ARMH1: variants seen among roughly 807,000 people sequenced by gnomAD.
ARMH1 encodes armadillo like helical domain containing 1, also known as armadillo-like helical domain containing protein 1.
Under a neutral mutation model 50.2 loss-of-function variants are expected in ARMH1, and 34 were observed. The observed-to-expected ratio is 0.68, with a 90% CI of 0.51 to 0.90. The LOEUF (loss-of-function observed/expected upper bound fraction) is 0.90, where lower values mean the gene tolerates loss of function less well. ARMH1 is among the 40% of genes least tolerant of loss of function. ARMH1 has a pLI of 0.00. For synonymous variants in ARMH1, 221 were observed against 224.2 expected, an observed-to-expected ratio of 0.99 and a Z score of 0.13; for missense variants, 538 against 553.9, an observed-to-expected ratio of 0.97 and a Z score of 0.29.
intron 2 of ARMH1, among the ~76,000 whole-genome samples, chr1:44,691,046 G>C (rs999107206): frequency 1.3e-5 from 2 of 150,320 alleles, no homozygotes; most frequent in Non-Finnish European, 2.9e-5. Context: ...GATCACCTGA[G>C]GTCAGGAGTT....
intron 1 of ARMH1, among the ~76,000 whole-genome samples, chr1:44,676,433 T>G (rs1645144118): frequency 6.6e-6 from 1 of 152,068 alleles, no homozygotes; most frequent in African/African-American, 2.4e-5. Context: ...AGGGAGTAAG[T>G]GTAGAGTCAG....
chr1:44,720,601 A>G (rs1377731370), intron 6 of ARMH1, among the ~76,000 whole-genome samples: 1 of 152,222 alleles, frequency 6.6e-6, no homozygotes, highest in Non-Finnish European at 1.5e-5. Flanking sequence ...CAAGAATTCT[A>G]TACGGTGCTA....
intron 2 of ARMH1, among the ~76,000 whole-genome samples, chr1:44,694,635 G>A (rs896288564): frequency 1.3e-5 from 2 of 150,786 alleles, no homozygotes; most frequent in African/African-American, 2.4e-5. Flanking sequence ...TCAGCCTCCC[G>A]AGTAGCTGGG....
intron 1 of ARMH1, among the ~76,000 whole-genome samples, chr1:44,684,924 T>C (rs946217921): frequency 6.6e-6 from 1 of 152,048 alleles, no homozygotes; most frequent in Non-Finnish European, 1.5e-5. Context: ...ACTCCCAACA[T>C]GCCATGGCGA....
At chr1:44,721,214 A>G (rs1647101079) in intron 6 of ARMH1, among the ~76,000 whole-genome samples, 2 of 152,140 alleles carry the variant, frequency 1.3e-5, no homozygotes, top group South Asian at 2.1e-4. Flanking sequence ...TATGGATTAT[A>G]TAACTACCAG....
intron 6 of ARMH1, among the ~76,000 whole-genome samples, chr1:44,713,889 T>C (rs139499031): frequency 9.8e-5 from 15 of 152,316 alleles, no homozygotes; most frequent in Non-Finnish European, 2.2e-4. Flanking sequence ...AGCACATACA[T>C]TAGTTACTTT....
intron 2 of ARMH1, among the ~76,000 whole-genome samples, chr1:44,695,156 A>C (rs894001638): frequency 1.3e-5 from 2 of 152,238 alleles, no homozygotes; most frequent in African/African-American, 4.8e-5. Flanking sequence ...AATCCTAGTC[A>C]GACTGCCTAG....
chr1:44,678,590 C>T (rs1241786657), intron 1 of ARMH1, among the ~76,000 whole-genome samples: 1 of 152,020 alleles, frequency 6.6e-6, no homozygotes, highest in Non-Finnish European at 1.5e-5. Flanking sequence ...TTTCTCTCTC[C>T]CTATCTCTGA....
rs529793074 is a variant in ARMH1, at chr1:44,724,303, G to T, written c.848-17G>T. 8 of 1,550,916 alleles carry T rather than the reference G, an allele frequency of 5.2e-6. No individual in the cohort carries two copies. Among genetic ancestry groups the T allele is most frequent in the Non-Finnish European group, 7.0e-6 (8 of 1,146,552 alleles). ...ACGGGAGGGCGGTCTCTTGCCTCAC[G>T]GCTGCCCCCTCCTCAGACCCCTCGG... On this transcript the variant is annotated splice_polypyrimidine_tract_variant and intron_variant, in intron 7 of 11. Coordinates refer to ENST00000535358, the MANE Select transcript of ARMH1 (RefSeq NM_001145636.2). The surrounding 1 kb of genome is among the most constrained non-coding windows in gnomAD (Gnocchi z 6.4).
chr1:44,705,348 C>T (rs770307220), intron 6 of ARMH1, among the ~76,000 whole-genome samples: 9 of 151,952 alleles, frequency 5.9e-5, no homozygotes, highest in Non-Finnish European at 1.3e-4. Flanking sequence ...AAAAAATTAG[C>T]CAGGGGTAGT....
At chr1:44,697,339 C>T (rs562834061) in intron 3 of ARMH1, among the ~76,000 whole-genome samples, 169 bp downstream of exon 3, 1 of 152,110 alleles carries the variant, frequency 6.6e-6, no homozygotes, top group East Asian at 1.9e-4. Flanking sequence ...TCTAGTTGCT[C>T]CCCCATCCCT....
At chr1:44,706,316 G>T (rs1646339265) in intron 6 of ARMH1, among the ~76,000 whole-genome samples, 1 of 152,194 alleles carries the variant, frequency 6.6e-6, no homozygotes, top group Non-Finnish European at 1.5e-5. Flanking sequence ...CAGCACAGGG[G>T]ACTGCCTGGT....
At chr1:44,694,544 C>G (rs775556317) in intron 2 of ARMH1, among the ~76,000 whole-genome samples, 3 of 132,324 alleles carry the variant, frequency 2.3e-5, no homozygotes, top group African/African-American at 5.8e-5. Context: ...GAGTCTCACT[C>G]TATTGCCCAG....
intron 1 of ARMH1, among the ~76,000 whole-genome samples, chr1:44,675,847 C>A (rs1446806691): frequency 2.0e-5 from 3 of 151,876 alleles, no homozygotes; most frequent in Non-Finnish European, 2.9e-5. Flanking sequence ...GTAATCCCAG[C>A]TACTTGGGAG....
chr1:44,689,525 C>G (rs777851536), intron 1 of ARMH1, among the ~76,000 whole-genome samples, 151 bp from the exon 2 acceptor site: 5 of 152,164 alleles, frequency 3.3e-5, no homozygotes, highest in African/African-American at 1.2e-4. Flanking sequence ...GTTCAAGCAG[C>G]AGGTGACCAG....
chr1:44,686,681 A>C (rs971693452), intron 1 of ARMH1, among the ~76,000 whole-genome samples: 1 of 152,168 alleles, frequency 6.6e-6, no homozygotes, highest in Non-Finnish European at 1.5e-5. Flanking sequence ...ATCTCAAAAA[A>C]TAATAATAAT....
At chr1:44,714,232 T>C (rs1256352586) in intron 6 of ARMH1, among the ~76,000 whole-genome samples, 1 of 145,222 alleles carries the variant, frequency 6.9e-6, no homozygotes, top group African/African-American at 2.6e-5. Context: ...ATTGCACCAC[T>C]GCACTCCAGC....
At chr1:44,677,519 T>A (rs114294454) in intron 1 of ARMH1, among the ~76,000 whole-genome samples, 4,393 of 152,182 alleles carry the variant, frequency 0.029, 218 homozygotes, top group African/African-American at 0.1. Flanking sequence ...CCCAGTGAAG[T>A]CAGAGAATCC....
chr1:44,698,328 T>C (rs1050822696), intron 4 of ARMH1, 99 bp downstream of exon 4: 2 of 1,125,820 alleles, frequency 1.8e-6, no homozygotes, highest in African/African-American at 1.6e-5. Context: ...ATGAAACTGG[T>C]TGAACAGGAA....
Sources: gnomAD v4.1 joint callset for allele counts (sites outside exome capture counted in the v4.1 genomes callset) on GRCh38, gnomAD v4.1.1 for gene constraint, Gnocchi (gnomAD v3.1) non-coding constraint, MANE v1.5 for transcripts, NCBI Gene and HGNC (gene_info 2026-07-23, HGNC 2026-07-21) for gene names.